The following GSK3B variants were observed in gnomAD, a reference collection of about 807,000 sequenced individuals.
The protein encoded by GSK3B is glycogen synthase kinase 3 beta, also known as glycogen synthase kinase-3 beta.
Under a neutral mutation model 56.4 loss-of-function variants are expected in GSK3B, and 15 were observed. The ratio of observed to expected loss-of-function variants is 0.27; its 90% CI spans 0.18 to 0.41. The LOEUF is 0.41. GSK3B is among the 10% of genes least tolerant of loss of function. GSK3B has a pLI of 1.00. For synonymous variants in GSK3B, 181 were observed against 188.9 expected (o/e 0.96, Z 0.34); for missense variants, 300 against 513.4 (o/e 0.58, Z 4.02).
intron 1 of GSK3B, among the ~76,000 whole-genome samples, chr3:120,052,844 T>C (rs533390299): frequency 1.4e-4 from 21 of 152,218 alleles, no homozygotes; most frequent in Non-Finnish European, 2.9e-4. Context: ...TACCAAGCTA[T>C]GTTTTTCATG....
At chr3:119,912,587 AC>A (rs984236750) in intron 6 of GSK3B, 116 bp downstream of exon 6, 3 of 467,352 alleles carry the variant, frequency 6.4e-6, no homozygotes, top group Admixed American at 7.2e-5. Flanking sequence ...AAGAAAAAAA[AC>A]ATTATGGGAT....
chr3:119,866,205 C>A (rs1442298747), intron 8 of GSK3B, among the ~76,000 whole-genome samples: 2 of 152,128 alleles, frequency 1.3e-5, no homozygotes, highest in Non-Finnish European at 1.5e-5. Flanking sequence ...GAAAAGGAAA[C>A]CACCAAGAAC....
At chr3:119,957,518 C>T (rs905001713) in intron 2 of GSK3B, among the ~76,000 whole-genome samples, 24 of 152,208 alleles carry the variant, frequency 1.6e-4, no homozygotes, top group Non-Finnish European at 2.1e-4. Context: ...TAAGTCAATG[C>T]CAGCTTAAGT....
At chr3:119,857,568 C>T (rs1324814373) in intron 9 of GSK3B, among the ~76,000 whole-genome samples, 1 of 152,200 alleles carries the variant, frequency 6.6e-6, no homozygotes, top group African/African-American at 2.4e-5. Flanking sequence ...AGTTCTCTTA[C>T]TATTTTCACC....
intron 1 of GSK3B, among the ~76,000 whole-genome samples, chr3:120,080,051 T>C (rs1283359207): frequency 6.6e-6 from 1 of 152,138 alleles, no homozygotes; most frequent in Non-Finnish European, 1.5e-5. Flanking sequence ...TCCCAGCACT[T>C]TGAGAGACCA....
intron 2 of GSK3B, among the ~76,000 whole-genome samples, chr3:119,976,689 G>A (rs748896385): frequency 2.0e-4 from 30 of 147,990 alleles, no homozygotes; most frequent in Non-Finnish European, 4.0e-4. Context: ...CTTTAAAAGG[G>A]TAAATATACA....
At chr3:119,939,767 A>T (rs1299460322) in intron 3 of GSK3B, among the ~76,000 whole-genome samples, 3 of 152,180 alleles carry the variant, frequency 2.0e-5, no homozygotes, top group Non-Finnish European at 2.9e-5. Context: ...TATTTTAATA[A>T]TTGATATATA....
intron 7 of GSK3B, among the ~76,000 whole-genome samples, chr3:119,883,579 A>T (rs1327886797): frequency 6.6e-6 from 1 of 152,156 alleles, no homozygotes. Context: ...CTGCAACATG[A>T]AAACAACCAC....
At chr3:119,910,047 TTTCA>T (rs1323945461) in intron 6 of GSK3B, among the ~76,000 whole-genome samples, 1 of 152,172 alleles carries the variant, frequency 6.6e-6, no homozygotes, top group Admixed American at 6.5e-5. Context: ...ATACTATCAC[TTTCA>T]TTATTAACTT....
chr3:120,034,129 C>A (rs2058002041), intron 1 of GSK3B, among the ~76,000 whole-genome samples: 1 of 152,058 alleles, frequency 6.6e-6, no homozygotes, highest in African/African-American at 2.4e-5. Context: ...ATTCTGGATA[C>A]AAGTCCTTTA....
At chr3:120,027,932 G>A (rs993474154) in intron 1 of GSK3B, among the ~76,000 whole-genome samples, 1 of 152,034 alleles carries the variant, frequency 6.6e-6, no homozygotes, top group African/African-American at 2.4e-5. Flanking sequence ...TTCCAAAGAA[G>A]TATTACTGTC....
chr3:119,874,667 G>C (rs1279622170), intron 8 of GSK3B, among the ~76,000 whole-genome samples: 1 of 143,784 alleles, frequency 7.0e-6, no homozygotes, highest in African/African-American at 2.4e-5. Flanking sequence ...ACCAAAAAAA[G>C]AATTTTTCCC....
intron 7 of GSK3B, among the ~76,000 whole-genome samples, chr3:119,897,796 AAAAAAAAAAAAAAAAG>A (rs1021332857): frequency 1.3e-5 from 2 of 149,704 alleles, no homozygotes; most frequent in Admixed American, 1.3e-4. Flanking sequence ...TCTGTCTCAA[AAAAAAAAAAAAAAAAG>A]AAAAAGAAAA....
Position 120,094,284 on chromosome 3 carries a change from C to T in GSK3B, c.-850G>A. On this transcript the variant is annotated 5_prime_UTR_variant, in exon 1 of 11. Transcript: ENST00000264235. Reference sequence around the variant, plus strand: ...CCCGCCCCTCGGCTCTGCTCGGTGCCCGCTCAGGAAGTGTCCGCGCTTTGC... The same window carrying T: ...CCCGCCCCTCGGCTCTGCTCGGTGCTCGCTCAGGAAGTGTCCGCGCTTTGC... 4.3e-6 allele frequency: 1 copy of T among 229,982 alleles called. No homozygotes were observed. The allele number at this position is 229,982 out of a possible 1,614,324, so 14.2% of individuals were successfully genotyped here. A position where few individuals can be genotyped will look rare whatever the true frequency, so the allele number is the denominator to read the frequency against.
intron 1 of GSK3B, among the ~76,000 whole-genome samples, chr3:120,025,108 C>T (rs2057911975): frequency 6.6e-6 from 1 of 152,064 alleles, no homozygotes; most frequent in Non-Finnish European, 1.5e-5. Flanking sequence ...TCTGTAATCC[C>T]AGTACTTTGG....
At position 120,093,666 on chromosome 3, in the gene GSK3B, T is replaced by C. The variant is rs2058534460; in HGVS notation, c.-232A>G. On this transcript the variant is annotated 5_prime_UTR_variant, in exon 1 of 11. Coordinates refer to ENST00000264235, the MANE Select transcript of GSK3B (RefSeq NM_001146156.2). ...GCACGGATATTTAACATATAGATGA[T>C]TTAGGACTTGGGAAAAAATACAATT... 1 of 409,072 alleles carries C rather than the reference T, an allele frequency of 2.4e-6. No homozygotes were observed. The allele number at this position is 409,072 out of a possible 1,614,324, so 25.3% of individuals were successfully genotyped here. A position where few individuals can be genotyped will look rare whatever the true frequency, so the allele number is the denominator to read the frequency against.
intron 10 of GSK3B, among the ~76,000 whole-genome samples, chr3:119,837,538 A>G (rs2055709962): frequency 6.6e-6 from 1 of 152,166 alleles, no homozygotes; most frequent in Non-Finnish European, 1.5e-5. Flanking sequence ...CTGAATATAC[A>G]TAACCATGGG....
chr3:119,846,389 T>C (rs1189002857), intron 9 of GSK3B, among the ~76,000 whole-genome samples: 3 of 152,140 alleles, frequency 2.0e-5, no homozygotes, highest in African/African-American at 7.2e-5. Context: ...TTGCCATCCA[T>C]CTGACAAAGG....
intron 1 of GSK3B, among the ~76,000 whole-genome samples, chr3:120,051,023 T>C (rs573536820): frequency 6.6e-6 from 1 of 152,148 alleles, no homozygotes; most frequent in Admixed American, 6.5e-5. Flanking sequence ...TGGGTCACTG[T>C]AGCTAAATTA....
Sources: allele counts gnomAD v4.1 joint callset (sites outside exome capture counted in the v4.1 genomes callset), GRCh38; gene constraint gnomAD v4.1.1; transcripts MANE v1.5; gene names NCBI Gene and HGNC (gene_info 2026-07-23, HGNC 2026-07-21).